Variants in AGBL4 observed in about 807,000 individuals in gnomAD.
The protein encoded by AGBL4 is cytosolic carboxypeptidase 6.
A neutral mutation model predicts 66.4 loss-of-function variants in AGBL4; 58 were observed. The observed-to-expected ratio is 0.87, with a 90% confidence interval of 0.71 to 1.09. The LOEUF is 1.09. Ranked by LOEUF, AGBL4 falls within the 50% of genes least tolerant of loss-of-function variation. AGBL4 has a pLI of 0.00. For missense variants in AGBL4, 579 were observed against 631.0 expected, an observed-to-expected ratio of 0.92 and a Z score of 0.88; for synonymous variants, 234 against 222.9, an observed-to-expected ratio of 1.05 and a Z score of -0.44.
chr1:49,925,122 G>T (rs768247097), intron 1 of AGBL4, among the ~76,000 whole-genome samples: 1 of 152,184 alleles, frequency 6.6e-6, no homozygotes, highest in Non-Finnish European at 1.5e-5. Context: ...AGCTCATGGG[G>T]TGACTCCATC....
intron 1 of AGBL4, among the ~76,000 whole-genome samples, chr1:49,939,962 G>T (rs1200106867): frequency 6.6e-6 from 1 of 151,884 alleles, no homozygotes; most frequent in East Asian, 1.9e-4. Context: ...TCTGACAAAG[G>T]GCTAATATCC....
chr1:48,661,578 A>T (rs1323815124), intron 7 of AGBL4, among the ~76,000 whole-genome samples: 1 of 152,194 alleles, frequency 6.6e-6, no homozygotes, highest in East Asian at 1.9e-4. Flanking sequence ...AACGCCATTG[A>T]GTGTATGAAC....
At chr1:49,848,189 T>C (rs572261053) in intron 2 of AGBL4, among the ~76,000 whole-genome samples, 1 of 152,330 alleles carries the variant, frequency 6.6e-6, no homozygotes, top group Non-Finnish European at 1.5e-5. Flanking sequence ...GCACAACCTC[T>C]ATGGAAAACA....
intron 3 of AGBL4, among the ~76,000 whole-genome samples, chr1:49,457,068 C>A (rs1646406032): frequency 6.6e-6 from 1 of 151,740 alleles, no homozygotes; most frequent in South Asian, 2.1e-4. Flanking sequence ...ATTATGACTT[C>A]TCTTCCTCTG....
At chr1:49,298,628 T>TCCTC (rs377307170) in intron 3 of AGBL4, among the ~76,000 whole-genome samples, 6,717 of 150,836 alleles carry the variant, frequency 0.045, 435 homozygotes, top group African/African-American at 0.15. Flanking sequence ...GGCCTCTCCT[T>TCCTC]CCTCCCTCCC....
chr1:48,551,966 G>A lies in AGBL4; in HGVS notation c.1268-12228C>T, dbSNP rs185070902. On this transcript the variant is annotated intron_variant, in intron 11 of 13. Coordinates refer to ENST00000371839, the MANE Select transcript of AGBL4 (RefSeq NM_032785.4). ...ATCTGACCTCATTTTTAATGTGCCTGATTCTGGATGAGATAACCTTGGTGG... is the reference window on the plus strand; with the variant it reads ...ATCTGACCTCATTTTTAATGTGCCTAATTCTGGATGAGATAACCTTGGTGG... Among the ~76,000 whole-genome samples, 4 of 152,280 alleles carry A rather than the reference G, an allele frequency of 2.6e-5. No homozygotes were observed. In the East Asian group the frequency reaches 7.7e-4, roughly 29 times the overall value.
intron 5 of AGBL4, among the ~76,000 whole-genome samples, chr1:48,969,882 G>C (rs1253633083): frequency 6.6e-6 from 1 of 152,074 alleles, no homozygotes; most frequent in Non-Finnish European, 1.5e-5. Flanking sequence ...CCTGATAATT[G>C]ACAAAATAAC....
rs186001462 is a variant in AGBL4, at chr1:49,005,092, G to T, written c.594+40492C>A. Among the ~76,000 whole-genome samples, 5 of 152,218 alleles carry T rather than the reference G, an allele frequency of 3.3e-5. No homozygotes were observed. The East Asian group carries it at 9.7e-4, about 29-fold the overall frequency. Reference sequence around the variant, plus strand: ...AACCCTGCATTTTCCACTATAACTAGCATCTAATAAAAACCAACCAAGAAT... The same window carrying T: ...AACCCTGCATTTTCCACTATAACTATCATCTAATAAAAACCAACCAAGAAT... On this transcript the variant is annotated intron_variant, in intron 5 of 13. Coordinates refer to ENST00000371839, the MANE Select transcript of AGBL4 (RefSeq NM_032785.4).
At chr1:49,761,492 G>A (rs908355316) in intron 2 of AGBL4, among the ~76,000 whole-genome samples, 2 of 152,140 alleles carry the variant, frequency 1.3e-5, no homozygotes, top group African/African-American at 4.8e-5. Flanking sequence ...CCACCACCTA[G>A]CTTTGAGACC....
chr1:49,347,990 T>G (rs2148515265), intron 3 of AGBL4, among the ~76,000 whole-genome samples: 2 of 152,310 alleles, frequency 1.3e-5, no homozygotes, highest in Non-Finnish European at 2.9e-5. Flanking sequence ...CCAGTAACAC[T>G]AATTCTTGGA....
At chr1:49,063,471 A>C (rs1334454745) in intron 4 of AGBL4, among the ~76,000 whole-genome samples, 1 of 152,160 alleles carries the variant, frequency 6.6e-6, no homozygotes, top group Admixed American at 6.6e-5. Flanking sequence ...CTGAAGCCAC[A>C]CTGGAGTTTA....
At chr1:49,705,162 C>T (rs34772767) in intron 2 of AGBL4, among the ~76,000 whole-genome samples, 3 of 152,020 alleles carry the variant, frequency 2.0e-5, no homozygotes, top group Admixed American at 1.3e-4. Flanking sequence ...AGTTGTATTC[C>T]TAGGTATTTT....
intron 2 of AGBL4, among the ~76,000 whole-genome samples, chr1:49,787,583 G>A (rs920251012): frequency 2.0e-5 from 3 of 151,876 alleles, no homozygotes; most frequent in Non-Finnish European, 4.4e-5. Flanking sequence ...GTACTATGTC[G>A]GGAGTTTCCA....
At chr1:48,546,669 A>G (rs1220444266) in intron 11 of AGBL4, among the ~76,000 whole-genome samples, 1 of 152,248 alleles carries the variant, frequency 6.6e-6, no homozygotes, top group African/African-American at 2.4e-5. Flanking sequence ...AATGAAAGCC[A>G]GTGAACATAT....
chr1:48,867,851 A>C (rs1648265001), intron 5 of AGBL4, among the ~76,000 whole-genome samples: 1 of 152,232 alleles, frequency 6.6e-6, no homozygotes. Flanking sequence ...TGTCTAGCAC[A>C]CTAGGCTATA....
rs372863995 is a variant in AGBL4 at position 49,459,290 on chromosome 1, T to C, written c.283-213426A>G. Among the ~76,000 whole-genome samples the C allele has an allele frequency of 3.6e-4, 55 of 151,854 alleles. 1 individual carries two copies. The South Asian group carries it at 9.5e-3, about 26-fold the overall frequency. On this transcript the variant is annotated intron_variant, in intron 3 of 13. Transcript: ENST00000371839. ...ACCATTTCAATCTCGCTACTTGTAA[T>C]TGGTCTATTCAGAGTTTCTATATCT...
chr1:49,159,716 TG>T (rs1445200618), intron 4 of AGBL4, among the ~76,000 whole-genome samples: 1 of 152,224 alleles, frequency 6.6e-6, no homozygotes, highest in Non-Finnish European at 1.5e-5. Flanking sequence ...AACATAGATT[TG>T]GTCTTTTCAC....
At chr1:49,023,754 C>A (rs1451278552) in intron 5 of AGBL4, among the ~76,000 whole-genome samples, 1 of 152,050 alleles carries the variant, frequency 6.6e-6, no homozygotes, top group Non-Finnish European at 1.5e-5. Flanking sequence ...TCATAGCCAC[C>A]AATATTATAA....
chr1:48,545,218 G>C lies in AGBL4; in HGVS notation c.1268-5480C>G, dbSNP rs543245152. Among the ~76,000 whole-genome samples the C allele has an allele frequency of 2.6e-5, 4 of 152,262 alleles. No homozygotes were observed. The South Asian group carries it at 8.3e-4, about 32-fold the overall frequency. ...TGAACTCTGCAAGGGAAAGGAGATG[G>C]GCTGTTCCAGTAAAAGGTGCCACTG... On this transcript the variant is annotated intron_variant, in intron 11 of 13. Coordinates refer to ENST00000371839, the MANE Select transcript of AGBL4 (RefSeq NM_032785.4).
Sources: gnomAD v4.1 joint callset for allele counts (sites outside exome capture counted in the v4.1 genomes callset) on GRCh38, gnomAD v4.1.1 for gene constraint, MANE v1.5 for transcripts, NCBI Gene and HGNC (gene_info 2026-07-23, HGNC 2026-07-21) for gene names.